The following NOVA1 variants were observed in gnomAD, a reference collection of about 807,000 sequenced individuals.
The protein encoded by NOVA1 is RNA-binding protein Nova-1.
In NOVA1, 7 loss-of-function variants were observed where a neutral mutation model predicts 38.0. The observed-to-expected ratio is 0.18, with a 90% CI of 0.10 to 0.35. The LOEUF (loss-of-function observed/expected upper bound fraction) is 0.35, where lower values mean the gene tolerates loss of function less well. Ranked by LOEUF, NOVA1 falls within the 10% of genes least tolerant of loss-of-function variation. The probability of loss-of-function intolerance (pLI) is 1.00; values close to 1 mark genes in which losing one functional copy is unlikely to be tolerated. For synonymous variants in NOVA1, 270 were observed against 232.5 expected (o/e 1.16, Z -1.47); for missense variants, 460 against 616.0 (o/e 0.75, Z 2.68).
At chr14:26,553,809 C>T (rs1024542723) in intron 2 of NOVA1, among the ~76,000 whole-genome samples, 1 of 152,008 alleles carries the variant, frequency 6.6e-6, no homozygotes, top group Non-Finnish European at 1.5e-5. Flanking sequence ...AAGTTTTGTA[C>T]ATGTACCTCA....
intron 2 of NOVA1, among the ~76,000 whole-genome samples, chr14:26,547,658 A>G (rs755167308): frequency 3.9e-5 from 6 of 152,114 alleles, no homozygotes; most frequent in Admixed American, 6.5e-5. Context: ...CATATAATCT[A>G]TTCTGTCAAA....
intron 2 of NOVA1, among the ~76,000 whole-genome samples, chr14:26,498,662 A>C (rs781448159): frequency 2.0e-5 from 3 of 152,174 alleles, no homozygotes; most frequent in Non-Finnish European, 4.4e-5. Flanking sequence ...GAAACAAACA[A>C]ACACAACCCA....
At chr14:26,562,614 C>T (rs988099383) in intron 2 of NOVA1, among the ~76,000 whole-genome samples, 44 of 152,162 alleles carry the variant, frequency 2.9e-4, no homozygotes, top group Non-Finnish European at 8.8e-5. Context: ...TAACTAGGAA[C>T]ACACTCTGCA....
At chr14:26,526,009 T>C (rs920311767) in intron 2 of NOVA1, among the ~76,000 whole-genome samples, 64 of 152,218 alleles carry the variant, frequency 4.2e-4, no homozygotes, top group African/African-American at 1.4e-3. Flanking sequence ...GCTTATGTTA[T>C]ATATTGGAAA....
chr14:26,512,830 A>G (rs1888199601), intron 2 of NOVA1, among the ~76,000 whole-genome samples: 1 of 18,858 alleles, frequency 5.3e-5, no homozygotes, highest in African/African-American at 5.9e-5. Context: ...TCCAATTTAC[A>G]TATCATAAGA....
Position 26,597,601 on chromosome 14 carries a change from G to A in NOVA1, c.-165C>T. ...AAATCTCTTTAGGAAAAAAAGCAAT[G>A]TTGCTGGTTTGTTCTCACTGGGGAG... On this transcript the variant is annotated 5_prime_UTR_variant, in exon 1 of 5. Coordinates refer to ENST00000539517, the MANE Select transcript of NOVA1 (RefSeq NM_002515.3). 2 of 1,195,360 alleles carry A rather than the reference G, an allele frequency of 1.7e-6. No individual in the cohort carries two copies. The highest frequency in any genetic ancestry group is 5.5e-5 in the Admixed American group (1 of 18,126). 74.0% of individuals were successfully genotyped at this position (1,195,360 alleles called of 1,614,324 possible). A position where few individuals can be genotyped will look rare whatever the true frequency, so the allele number is the denominator to read the frequency against.
At chr14:26,514,600 CAGA>C (rs1245651071) in intron 2 of NOVA1, among the ~76,000 whole-genome samples, 1 of 151,760 alleles carries the variant, frequency 6.6e-6, no homozygotes, top group African/African-American at 2.4e-5. Context: ...AGACAGTTGA[CAGA>C]AGTAGTACTT....
intron 2 of NOVA1, among the ~76,000 whole-genome samples, chr14:26,541,252 G>A (rs1174424827): frequency 2.0e-5 from 3 of 151,942 alleles, no homozygotes; most frequent in African/African-American, 7.2e-5. Flanking sequence ...ATCAATTGAT[G>A]GCTGTTTTCT....
At chr14:26,483,492 A>G (rs1429314305) in intron 2 of NOVA1, among the ~76,000 whole-genome samples, 2 of 152,228 alleles carry the variant, frequency 1.3e-5, no homozygotes, top group Admixed American at 1.3e-4. Context: ...TCATAAATGG[A>G]TAAAATCATC....
chr14:26,485,940 G>A (rs1885852117), intron 2 of NOVA1, among the ~76,000 whole-genome samples: 1 of 151,872 alleles, frequency 6.6e-6, no homozygotes, highest in South Asian at 2.1e-4. Flanking sequence ...CAATAATTTT[G>A]GCCTCCAAAA....
At chr14:26,595,677 T>A in intron 1 of NOVA1, 124 bp from the exon 2 acceptor site, 1 of 736,004 alleles carries the variant, frequency 1.4e-6, no homozygotes, top group Non-Finnish European at 2.1e-6. Flanking sequence ...AAATATGAAG[T>A]TAAACATTTT....
chr14:26,594,308 T>C (rs756204145), intron 2 of NOVA1: 8 of 152,000 alleles, frequency 5.3e-5, no homozygotes, highest in Non-Finnish European at 1.2e-4. Flanking sequence ...CCATTTCTAA[T>C]ACCAAGTGAT....
chr14:26,486,253 T>C (rs1566468063), intron 2 of NOVA1, among the ~76,000 whole-genome samples: 1 of 152,154 alleles, frequency 6.6e-6, no homozygotes, highest in Admixed American at 6.5e-5. Flanking sequence ...TGGTATCTAT[T>C]CTTTTAGTTT....
At chr14:26,484,725 T>C (rs906129095) in intron 2 of NOVA1, among the ~76,000 whole-genome samples, 9 of 152,182 alleles carry the variant, frequency 5.9e-5, no homozygotes, top group African/African-American at 2.2e-4. Flanking sequence ...CCTGGATAAA[T>C]CTAATCTTCA....
At chr14:26,449,053 A>G (rs991529058) in intron 4 of NOVA1, 90 bp from the exon 5 acceptor site, 2 of 1,199,362 alleles carry the variant, frequency 1.7e-6, no homozygotes, top group Admixed American at 2.4e-5. Context: ...TAAAATAATA[A>G]ACTGAAAATT....
At chr14:26,465,982 G>C (rs993558902) in intron 4 of NOVA1, among the ~76,000 whole-genome samples, 2 of 152,128 alleles carry the variant, frequency 1.3e-5, no homozygotes, top group African/African-American at 2.4e-5. Context: ...GAGTACAGGG[G>C]GGGAAGGGGG....
At chr14:26,594,145 C>T (rs1030738803) in intron 2 of NOVA1, 1 of 151,934 alleles carries the variant, frequency 6.6e-6, no homozygotes, top group African/African-American at 2.4e-5. Context: ...TGCAAAACTA[C>T]ACTCATAGGA....
intron 2 of NOVA1, among the ~76,000 whole-genome samples, chr14:26,484,192 T>C (rs989708435): frequency 2.0e-5 from 3 of 151,920 alleles, no homozygotes; most frequent in Non-Finnish European, 2.9e-5. Flanking sequence ...CCCAGCACTT[T>C]GGGAGACCGA....
chr14:26,596,952 C>A, intron 1 of NOVA1: 1 of 1,206,170 alleles, frequency 8.3e-7, no homozygotes, highest in Non-Finnish European at 1.0e-6. Flanking sequence ...CACCTCACTC[C>A]GGGGTCATCC....
Sources: gnomAD v4.1 joint callset for allele counts (sites outside exome capture counted in the v4.1 genomes callset) on GRCh38, gnomAD v4.1.1 for gene constraint, MANE v1.5 for transcripts, NCBI Gene and HGNC (gene_info 2026-07-23, HGNC 2026-07-21) for gene names.